The following CYBB variants were observed in gnomAD, a reference collection of about 807,000 sequenced individuals.
CYBB encodes the protein cytochrome b-245 beta chain.
Under a neutral mutation model 46.5 loss-of-function variants are expected in CYBB, and 5 were observed. The ratio of observed to expected loss-of-function variants is 0.11; its 90% confidence interval spans 0.06 to 0.23. The LOEUF (loss-of-function observed/expected upper bound fraction) is 0.23, where lower values mean the gene tolerates loss of function less well. CYBB is among the 10% of genes least tolerant of loss of function. The pLI is 1.00. For synonymous variants in CYBB, 183 were observed against 156.7 expected, an observed-to-expected ratio of 1.17 and a Z score of -1.26; for missense variants, 307 against 428.3, an observed-to-expected ratio of 0.72 and a Z score of 2.50.
chrX:37,803,420 A>C (rs1929487334), intron 8 of CYBB, among the ~76,000 whole-genome samples: 2 of 111,274 alleles, frequency 1.8e-5, no homozygotes, highest in African/African-American at 3.3e-5. Flanking sequence ...GGAAAAAAAA[A>C]TCACAATAGG....
chrX:37,801,101 T>C (rs189505035), intron 7 of CYBB, among the ~76,000 whole-genome samples, 155 bp from the exon 8 acceptor site: 4 of 112,522 alleles, frequency 3.6e-5, no homozygotes, highest in African/African-American at 1.3e-4. Context: ...GATATTTTCA[T>C]ATATTCCATT....
In CYBB at chrX:37,804,932, A is replaced by G. The variant is rs1204695625; in HGVS notation, c.1152-74A>G. On this transcript the variant is annotated intron_variant, in intron 9 of 12. Coordinates refer to ENST00000378588, the MANE Select transcript of CYBB (RefSeq NM_000397.4). ...TGAATTAACATGTTGCACATCCCCA[A>G]TAATTATGGGTGCCCCATCTCACTC... is the stretch of plus-strand genomic sequence containing the variant. 2.4e-5 allele frequency: 25 copies of G among 1,032,299 alleles called. No homozygotes were observed. In the Admixed American group the frequency reaches 5.1e-4, roughly 21 times the overall value. The allele number at this position is 1,032,299 out of a possible 1,213,427, so 85.1% of individuals were successfully genotyped here. A position where few individuals can be genotyped will look rare whatever the true frequency, so the allele number is the denominator to read the frequency against.
Position 37,812,994 on chromosome X carries a change from A to G in CYBB, c.*2077A>G, listed in dbSNP as rs1257306327. ...TTGGCCCTTTCTAACCTATGTGCAT[A>G]ATTAAAACCAGCTTCATTTGTTGCT... On this transcript the variant is annotated 3_prime_UTR_variant, in exon 13 of 13. Transcript: ENST00000378588. The G allele has an allele frequency of 8.9e-6, 1 of 111,864 alleles. No homozygotes were observed. The highest frequency in any genetic ancestry group is 2.7e-4 in the East Asian group (1 of 3,665). The allele number at this position is 111,864 out of a possible 1,213,427, so 9.2% of individuals were successfully genotyped here.
Position 37,803,979 on chromosome X carries a change from A to G in CYBB, c.1000A>G (p.Lys334Glu). 1 of 1,211,503 alleles carries G rather than the reference A, an allele frequency of 8.3e-7. No individual in the cohort carries two copies. The highest frequency in any genetic ancestry group is 1.1e-6 in the Non-Finnish European group (1 of 895,288). The change falls in exon 9 of 13, where the codon AAG becomes GAG. Residue 334 changes from lysine to glutamate, a missense_variant. Coordinates refer to ENST00000378588, the MANE Select transcript of CYBB (RefSeq NM_000397.4). ...TTTTGTCAAGTGCCCAAAGGTGTCC[A>G]AGCTGGAGTGGCACCCTTTTACACT... ...YIFVKCPKVS[K>E]LEWHPFTLTS...
chrX:37,805,666 G>A lies in CYBB; in HGVS notation c.1314+498G>A, dbSNP rs541105837. On this transcript the variant is annotated intron_variant, in intron 10 of 12. Transcript: ENST00000378588. ...TATTGAATAATTTTTCTTTCATCTT[G>A]TGTTAGATACTGAGATTGATTCAAT... Among the ~76,000 whole-genome samples, 3 of 110,766 alleles carry A rather than the reference G, an allele frequency of 2.7e-5. 1 individual carries two copies. The South Asian group carries it at 1.1e-3, about 42-fold the overall frequency.
At chrX:37,801,623 TG>T (rs1556469970) in intron 8 of CYBB, among the ~76,000 whole-genome samples, 2,946 of 108,777 alleles carry the variant, frequency 0.027, 98 homozygotes, top group African/African-American at 0.092. Context: ...TGTGTGTGTG[TG>T]TGTGTTTGTG....
intron 11 of CYBB, among the ~76,000 whole-genome samples, chrX:37,809,202 T>C (rs1247782772): frequency 2.7e-5 from 3 of 111,935 alleles, no homozygotes; most frequent in African/African-American, 9.7e-5. Context: ...AAGTCAAACA[T>C]AGAGCAGAGA....
At chrX:37,805,303 A>G in intron 10 of CYBB, 135 bp downstream of exon 10, 1 of 612,166 alleles carries the variant, frequency 1.6e-6, no homozygotes, top group Non-Finnish European at 2.6e-6. Flanking sequence ...TTCCAGAGAG[A>G]CAGGCTTTTC....
chrX:37,780,672 A>T (rs1928933001), intron 1 of CYBB, among the ~76,000 whole-genome samples: 1 of 110,366 alleles, frequency 9.1e-6, no homozygotes, highest in East Asian at 2.8e-4. Context: ...AAAGAACAGA[A>T]TTGAAATAAG....
intron 11 of CYBB, among the ~76,000 whole-genome samples, chrX:37,809,199 A>C (rs1929620047): frequency 8.9e-6 from 1 of 112,067 alleles, no homozygotes; most frequent in Non-Finnish European, 1.9e-5. Flanking sequence ...AAAAAGTCAA[A>C]CATAGAGCAG....
chrX:37,784,142 C>T (rs1556464958), intron 3 of CYBB, among the ~76,000 whole-genome samples: 2 of 111,215 alleles, frequency 1.8e-5, no homozygotes, highest in Non-Finnish European at 3.8e-5. Context: ...ATTTAGTAAG[C>T]CACTAAATGT....
intron 6 of CYBB, among the ~76,000 whole-genome samples, chrX:37,798,712 C>T (rs1331404460): frequency 8.9e-6 from 1 of 111,849 alleles, no homozygotes; most frequent in African/African-American, 3.2e-5. Context: ...GAATTTGATC[C>T]AACACTTACC....
rs191609950 is a variant in CYBB, at chrX:37,799,177, A to G, written c.804+93A>G. 777 of 860,675 alleles carry G rather than the reference A, an allele frequency of 9.0e-4. 1 individual carries two copies. The highest frequency in any genetic ancestry group is 1.0e-3 in the Non-Finnish European group (584 of 581,895). The allele number at this position is 860,675 out of a possible 1,213,427, so 70.9% of individuals were successfully genotyped here. A position where few individuals can be genotyped will look rare whatever the true frequency, so the allele number is the denominator to read the frequency against. ...ATGTACAGATGTTATACATCTATAT[A>G]GATGTCCATTACAAATGTCATGGAA... is the stretch of plus-strand genomic sequence containing the variant. On this transcript the variant is annotated intron_variant, in intron 7 of 12. Transcript: ENST00000378588.
intron 11 of CYBB, among the ~76,000 whole-genome samples, 178 bp from the exon 12 acceptor site, chrX:37,809,389 G>A (rs1271129248): frequency 1.8e-5 from 2 of 111,836 alleles, no homozygotes; most frequent in Non-Finnish European, 3.8e-5. Context: ...TTTATACTTC[G>A]AAGTCTCCCT....
intron 3 of CYBB, among the ~76,000 whole-genome samples, chrX:37,784,198 C>A (rs1428378833): frequency 9.0e-6 from 1 of 111,645 alleles, no homozygotes; most frequent in South Asian, 3.7e-4. Context: ...ATCTCTGTAA[C>A]CCATAAAATG....
chrX:37,782,522 C>T (rs1408587126), intron 2 of CYBB, among the ~76,000 whole-genome samples: 1 of 112,774 alleles, frequency 8.9e-6, no homozygotes, highest in Non-Finnish European at 1.9e-5. Context: ...ACAAGTGGGA[C>T]TTTCCATATT....
Position 37,798,981 on chromosome X carries a change from A to T in CYBB, c.701A>T (p.Glu234Val). 8.3e-7 allele frequency: 1 copy of T among 1,208,875 alleles called. No individual in the cohort carries two copies. The highest frequency in any genetic ancestry group is 1.1e-6 in the Non-Finnish European group (1 of 893,398). Residue 234 changes from glutamate (E) to valine (V), a missense_variant, in exon 7 of 13, where the codon GAG becomes GTG. Physicochemically the swap from Glu to Val is moderately radical, Grantham distance 121. This residue lies in a region of CYBB where 82 missense variants were observed against 69.9 expected (regional missense o/e 1.17). Transcript: ENST00000378588. Reference protein sequence around the residue: ...AERIVRGQTAESLAVHNITVC... With the variant: ...AERIVRGQTAVSLAVHNITVC... ...CGAATTGTACGTGGGCAGACCGCAG[A>T]GAGTTTGGCTGTGCATAATATAACA...
At position 37,813,308 on chromosome X, in the gene CYBB, G is replaced by A. The variant is rs1400803536; in HGVS notation, c.*2391G>A. 9.4e-6 allele frequency: 1 copy of A among 106,895 alleles called. No homozygotes were observed. The highest frequency in any genetic ancestry group is 1.9e-5 in the Non-Finnish European group (1 of 52,001). The allele number at this position is 106,895 out of a possible 1,213,427, so 8.8% of individuals were successfully genotyped here. On this transcript the variant is annotated 3_prime_UTR_variant, in exon 13 of 13. Coordinates refer to ENST00000378588, the MANE Select transcript of CYBB (RefSeq NM_000397.4). ...TTGTTTTTAATCTTAAGACTATGAA[G>A]GTTTTTCTTAGTTCTTCTGCTTTTG... is the stretch of plus-strand genomic sequence containing the variant.
In CYBB at chrX:37,783,598, G is replaced by T; in HGVS notation, c.250G>T (p.Ala84Ser). 1 of 1,162,805 alleles carries T rather than the reference G, an allele frequency of 8.6e-7. No individual in the cohort carries two copies. The highest frequency in any genetic ancestry group is 1.2e-6 in the Non-Finnish European group (1 of 851,049). ...NLLSFLRGSSACCSTRVRRQL... is the reference protein window; with the variant it reads ...NLLSFLRGSSSCCSTRVRRQL... Reference sequence around the variant, plus strand: ...GCTGTCCTTCCTCAGGGGTTCCAGTGCGGTAAGAGAAAATGTTTTACTAAG... The same window carrying T: ...GCTGTCCTTCCTCAGGGGTTCCAGTTCGGTAAGAGAAAATGTTTTACTAAG... The change falls in exon 3 of 13, where the codon GCG (alanine) becomes TCG (serine). Residue 84 changes from alanine to serine, a missense_variant and splice_region_variant. Physicochemically the swap from Ala to Ser is moderately conservative, Grantham distance 99. Transcript: ENST00000378588.
Sources: gnomAD v4.1 joint callset for allele counts (sites outside exome capture counted in the v4.1 genomes callset) on GRCh38, gnomAD v4.1.1 for gene constraint, gnomAD v4.1.1 regional missense constraint, MANE v1.5 for transcripts, NCBI Gene and HGNC (gene_info 2026-07-23, HGNC 2026-07-21) for gene names.